TESC: variants seen among roughly 807,000 people sequenced by gnomAD.
TESC encodes tescalcin.
Under a neutral mutation model 31.0 loss-of-function variants are expected in TESC, and 19 were observed. The observed-to-expected ratio is 0.61, with a 90% CI of 0.43 to 0.90. The LOEUF is 0.90. Ranked by LOEUF, TESC falls within the 40% of genes least tolerant of loss-of-function variation. The pLI, the probability that TESC is intolerant of heterozygous loss-of-function variation, is 0.00. For missense variants in TESC, 248 were observed against 303.8 expected (o/e 0.82, Z 1.36); for synonymous variants, 109 against 114.8 (o/e 0.95, Z 0.32).
intron 1 of TESC, among the ~76,000 whole-genome samples, chr12:117,085,811 G>A (rs1020641446): frequency 2.0e-5 from 3 of 152,300 alleles, no homozygotes; most frequent in Admixed American, 6.5e-5. Flanking sequence ...TTCCTCCTCC[G>A]TGATACAGAG....
At chr12:117,084,432 T>C (rs1955189330) in intron 1 of TESC, among the ~76,000 whole-genome samples, 1 of 152,194 alleles carries the variant, frequency 6.6e-6, no homozygotes, top group Non-Finnish European at 1.5e-5. Flanking sequence ...GGCCAGATTT[T>C]CCCCTTTCAT....
intron 1 of TESC, among the ~76,000 whole-genome samples, chr12:117,088,285 G>T (rs1955248459): frequency 6.6e-6 from 1 of 152,166 alleles, no homozygotes. Flanking sequence ...GCGAGTGGGT[G>T]TCTTTCAGAG....
chr12:117,041,404 C>T (rs977010697), intron 7 of TESC, among the ~76,000 whole-genome samples: 1 of 152,028 alleles, frequency 6.6e-6, no homozygotes, highest in African/African-American at 2.4e-5. Context: ...GCAATCTCAG[C>T]TTACTGCAAC....
intron 4 of TESC, among the ~76,000 whole-genome samples, chr12:117,047,865 C>T (rs1398449955): frequency 2.6e-5 from 4 of 152,238 alleles, no homozygotes; most frequent in South Asian, 2.1e-4. Flanking sequence ...CCCAGTCTCC[C>T]GAGTACCAGG....
intron 2 of TESC, among the ~76,000 whole-genome samples, chr12:117,068,880 T>C (rs960052558): frequency 6.6e-6 from 1 of 152,208 alleles, no homozygotes; most frequent in Non-Finnish European, 1.5e-5. Context: ...AAATTAAAAA[T>C]TGTTGTTTAA....
At chr12:117,042,233 C>A (rs369386997) in intron 6 of TESC, among the ~76,000 whole-genome samples, 3 of 152,128 alleles carry the variant, frequency 2.0e-5, no homozygotes, top group African/African-American at 7.2e-5. Context: ...GGGAGCCGAG[C>A]GTCGCTCACC....
At chr12:117,045,919 A>C (rs1359080330) in intron 6 of TESC, among the ~76,000 whole-genome samples, 2 of 152,202 alleles carry the variant, frequency 1.3e-5, no homozygotes, top group Admixed American at 1.3e-4. Context: ...CTGTCCTTAC[A>C]AGAGAAAATC....
At chr12:117,082,595 C>T (rs1398789708) in intron 1 of TESC, among the ~76,000 whole-genome samples, 1 of 151,916 alleles carries the variant, frequency 6.6e-6, no homozygotes, top group Admixed American at 6.6e-5. Flanking sequence ...TACTACACAG[C>T]CTTTATAAAT....
At chr12:117,077,453 C>G (rs1013952545) in intron 1 of TESC, among the ~76,000 whole-genome samples, 9 of 152,256 alleles carry the variant, frequency 5.9e-5, no homozygotes, top group African/African-American at 2.2e-4. Flanking sequence ...TACTTCTGTT[C>G]ACCCAAGCAT....
At chr12:117,096,685 T>A (rs919581239) in intron 1 of TESC, among the ~76,000 whole-genome samples, 3 of 152,202 alleles carry the variant, frequency 2.0e-5, no homozygotes, top group African/African-American at 7.2e-5. Flanking sequence ...ATGCCCATTT[T>A]ATAGTAGATA....
chr12:117,052,421 A>G (rs1260009205), intron 3 of TESC, among the ~76,000 whole-genome samples: 2 of 152,150 alleles, frequency 1.3e-5, no homozygotes, highest in African/African-American at 4.8e-5. Context: ...CCCTTTTCCA[A>G]TAGTTACAGG....
At chr12:117,041,793 G>T (rs1954487398) in intron 7 of TESC, among the ~76,000 whole-genome samples, 154 bp downstream of exon 7, 1 of 152,128 alleles carries the variant, frequency 6.6e-6, no homozygotes, top group South Asian at 2.1e-4. Flanking sequence ...TGCTTTAAAG[G>T]CCATGCCCAG....
chr12:117,041,992 C>T lies in TESC; in HGVS notation c.522G>A (p.Glu174=). ...EAASVCMGQM[E]PDQVYEGITF... ...TGATCCCCTCGTACACCTGATCAGG[C>T]TCCTGGGGACGGAAGCACAGGGTGG... Residue 174 remains glutamate (E), a splice_region_variant and synonymous_variant, in exon 7 of 8, where the codon GAG becomes GAA. Transcript: ENST00000335209. The T allele has an allele frequency of 1.3e-6, 2 of 1,594,334 alleles. No individual in the cohort carries two copies. Among genetic ancestry groups the T allele is most frequent in the Non-Finnish European group, 8.5e-7 (1 of 1,170,038 alleles).
At chr12:117,045,015 C>A (rs965951637) in intron 6 of TESC, among the ~76,000 whole-genome samples, 2 of 152,216 alleles carry the variant, frequency 1.3e-5, no homozygotes, top group African/African-American at 4.8e-5. Flanking sequence ...ACGGTCAGAA[C>A]GGGAAGTGTC....
intron 7 of TESC, among the ~76,000 whole-genome samples, chr12:117,039,643 T>C (rs1954452925): frequency 6.6e-6 from 1 of 152,206 alleles, no homozygotes; most frequent in African/African-American, 2.4e-5. Context: ...ACGCGTTTTG[T>C]AAACTGTTAG....
Position 117,075,923 on chromosome 12 carries a change from G to GTATATA in TESC, c.59-589_59-584dup, listed in dbSNP as rs1214809145. 6.2e-3 allele frequency among the ~76,000 whole-genome samples: 428 copies of GTATATA among 68,670 alleles called. 27 individuals carry two copies. The highest frequency in any genetic ancestry group is 0.011 in the African/African-American group (145 of 13,478). 45.1% of individuals were successfully genotyped at this position (68,670 alleles called of 152,430 possible). On this transcript the variant is annotated intron_variant, in intron 1 of 7. Coordinates refer to ENST00000335209, the MANE Select transcript of TESC (RefSeq NM_017899.4). ...TATATATATATATATATGTGTGTGT[G>GTATATA]TATATATATATATATATGTATATAT...
intron 1 of TESC, among the ~76,000 whole-genome samples, chr12:117,094,643 C>T (rs544121370): frequency 6.6e-6 from 1 of 152,200 alleles, no homozygotes; most frequent in South Asian, 2.1e-4. Flanking sequence ...CCTTAAAGGT[C>T]GGATGGAGAG....
chr12:117,064,075 C>T (rs1321118591), intron 2 of TESC, among the ~76,000 whole-genome samples: 1 of 152,116 alleles, frequency 6.6e-6, no homozygotes, highest in African/African-American at 2.4e-5. Flanking sequence ...CAGGTGTGTA[C>T]CACCACACCC....
Position 117,039,194 on chromosome 12 carries a change from T to C in TESC, c.584A>G (p.Asp195Gly), listed in dbSNP as rs773745110. The C allele has an allele frequency of 6.2e-7, 1 of 1,613,812 alleles. No individual in the cohort carries two copies. Among genetic ancestry groups the C allele is most frequent in the Non-Finnish European group, 8.5e-7 (1 of 1,179,898 alleles). The part of the protein sequence containing the change: ...EDFLKIWQGI[D>G]IETKMHVRFL... The stretch of plus-strand genomic sequence containing the variant: ...GCGGACGTGCATCTTGGTCTCAATG[T>C]CGATCCCCTGCCAGATCTGGAAGGG... Residue 195 changes from aspartate (D) to glycine (G), a missense_variant, in exon 8 of 8, where the codon GAC (aspartate) becomes GGC (glycine). Coordinates refer to ENST00000335209, the MANE Select transcript of TESC (RefSeq NM_017899.4).
Sources: allele counts gnomAD v4.1 joint callset (sites outside exome capture counted in the v4.1 genomes callset), GRCh38; gene constraint gnomAD v4.1.1; transcripts MANE v1.5; gene names NCBI Gene and HGNC (gene_info 2026-07-23, HGNC 2026-07-21).